SERPINB7: variants seen among roughly 807,000 people sequenced by gnomAD.
SERPINB7 encodes serpin family B member 7, also known as serpin B7.
SERPINB7 carries 31 observed loss-of-function variants against 37.4 expected under a neutral mutation model. The observed-to-expected ratio is 0.83, with a 90% CI of 0.62 to 1.12. The LOEUF is 1.12. Ranked by LOEUF, SERPINB7 falls within the 50% of genes most tolerant of loss-of-function variation. The pLI is 0.00. For synonymous variants in SERPINB7, 163 were observed against 166.1 expected, an observed-to-expected ratio of 0.98 and a Z score of 0.14; for missense variants, 521 against 455.3, an observed-to-expected ratio of 1.14 and a Z score of -1.31.
chr18:63,779,907 C>T (rs2049285469), intron 1 of SERPINB7, among the ~76,000 whole-genome samples: 1 of 151,876 alleles, frequency 6.6e-6, no homozygotes, highest in African/African-American at 2.4e-5. Flanking sequence ...ATTTGTAAAA[C>T]AACAAGAAGA....
In SERPINB7 at chr18:63,783,186, AAGAGAGAGAGAGAG is replaced by A. The variant is rs1200340375; in HGVS notation, c.168+682_168+695del. ...CAAAAAGAAAATAAAGAAAGAAAGA[AAGAGAGAGAGAGAG>A]AGAGAGAGAGAGAGAGAGAGAGAGA... On this transcript the variant is annotated intron_variant, in intron 2 of 7. Coordinates refer to ENST00000398019, the MANE Select transcript of SERPINB7 (RefSeq NM_003784.4). 6.7e-3 allele frequency among the ~76,000 whole-genome samples: 502 copies of A among 75,278 alleles called. 13 individuals carry two copies. Among genetic ancestry groups the A allele is most frequent in the Middle Eastern group, 0.012 (2 of 170 alleles). The allele number at this position is 75,278 out of a possible 152,430, so 49.4% of individuals were successfully genotyped here.
rs1199515484 is a variant in SERPINB7 at position 63,804,499 on chromosome 18, C to A, written c.1007C>A (p.Ala336Asp). 1 of 1,613,714 alleles carries A rather than the reference C, an allele frequency of 6.2e-7. No individual in the cohort carries two copies. Among genetic ancestry groups the A allele is most frequent in the East Asian group, 2.2e-5 (1 of 44,876 alleles). Residue 336 changes from alanine to aspartate, a missense_variant, in exon 8 of 8, where the codon GCT becomes GAT. Transcript: ENST00000398019. ...GAGGTCACTGAGGAGGGCACCGAGG[C>A]TACTGCTGCCACAGGAAGTAATATT... The part of the protein sequence containing the change: ...YIEVTEEGTE[A>D]TAATGSNIVE...
chr18:63,797,801 C>T (rs2049503934), intron 5 of SERPINB7, among the ~76,000 whole-genome samples: 4 of 152,206 alleles, frequency 2.6e-5, no homozygotes. Context: ...TCTTACCAGA[C>T]ATTCAAGCCT....
chr18:63,771,878 G>T (rs1386741492), upstream of SERPINB7, among the ~76,000 whole-genome samples: 1 of 151,106 alleles, frequency 6.6e-6, no homozygotes, highest in Non-Finnish European at 1.5e-5. Flanking sequence ...TGGGAGACAA[G>T]CCCAGAAATG....
In SERPINB7 at chr18:63,781,368, T is replaced by C. The variant is rs1396608958; in HGVS notation, c.-18-987T>C. On this transcript the variant is annotated intron_variant, in intron 1 of 7. Transcript: ENST00000398019. The stretch of plus-strand genomic sequence containing the variant: ...AAAGACTTGACCCAGTTCACACAAC[T>C]ATTAGCAACAGGGTTGAGACTTGGA... Among the ~76,000 whole-genome samples the C allele has an allele frequency of 1.3e-5, 2 of 152,336 alleles. 1 individual carries two copies. The highest frequency in any genetic ancestry group is 4.1e-4 in the South Asian group (2 of 4,834).
chr18:63,793,112 A>T (rs532441197), intron 3 of SERPINB7, 49 bp from the exon 4 acceptor site: 1 of 980,678 alleles, frequency 1.0e-6, no homozygotes, highest in Non-Finnish European at 1.5e-6. Context: ...GAGATTATGC[A>T]TATCTTTGCA....
At chr18:63,773,911 A>G (rs2049226382), upstream of SERPINB7, among the ~76,000 whole-genome samples, 2 of 152,120 alleles carry the variant, frequency 1.3e-5, no homozygotes, top group Admixed American at 6.5e-5. Context: ...TTCCAAGAAG[A>G]TTATCCAGTA....
chr18:63,786,934 G>A (rs1466235910), intron 2 of SERPINB7, among the ~76,000 whole-genome samples: 6 of 152,040 alleles, frequency 3.9e-5, no homozygotes, highest in African/African-American at 1.4e-4. Context: ...AAATGCCTGG[G>A]ACCAAGTGTT....
rs1185399551 is a variant in SERPINB7 at position 63,786,207 on chromosome 18, C to A, written c.168+3667C>A. Among the ~76,000 whole-genome samples, 544 of 83,746 alleles carry A rather than the reference C, an allele frequency of 6.5e-3. 5 individuals carry two copies. Among genetic ancestry groups the A allele is most frequent in the South Asian group, 8.8e-3 (19 of 2,158 alleles). 54.9% of individuals were successfully genotyped at this position (83,746 alleles called of 152,430 possible). A position where few individuals can be genotyped will look rare whatever the true frequency, so the allele number is the denominator to read the frequency against. Reference sequence around the variant, plus strand: ...CACACACACACCAGCATGGCACATACGTGTATATATATATATATATATATA... The same window carrying A: ...CACACACACACCAGCATGGCACATAAGTGTATATATATATATATATATATA... On this transcript the variant is annotated intron_variant, in intron 2 of 7. Transcript: ENST00000398019.
chr18:63,777,064 T>C (rs945748139), intron 1 of SERPINB7, among the ~76,000 whole-genome samples: 1 of 152,044 alleles, frequency 6.6e-6, no homozygotes, highest in Admixed American at 6.6e-5. Flanking sequence ...ATGTGTAAGA[T>C]AAAGTCAGAA....
chr18:63,758,166 C>T (rs577296833), intron 1 of SERPINB7, among the ~76,000 whole-genome samples: 1 of 152,236 alleles, frequency 6.6e-6, no homozygotes, highest in East Asian at 1.9e-4. Flanking sequence ...CCAACTTTGG[C>T]CTATATAGCA....
intron 2 of SERPINB7, among the ~76,000 whole-genome samples, chr18:63,790,829 C>T (rs563027318): frequency 5.3e-5 from 8 of 152,102 alleles, no homozygotes; most frequent in African/African-American, 1.2e-4. Flanking sequence ...ACTATAAAGA[C>T]GCATGCACAC....
chr18:63,764,053 G>T (rs1044212690), intron 1 of SERPINB7, among the ~76,000 whole-genome samples: 1 of 152,164 alleles, frequency 6.6e-6, no homozygotes, highest in African/African-American at 2.4e-5. Flanking sequence ...CCATTTCTAT[G>T]GTATGAGCTA....
At chr18:63,763,344 G>T (rs1015851512) in intron 1 of SERPINB7, among the ~76,000 whole-genome samples, 1 of 152,126 alleles carries the variant, frequency 6.6e-6, no homozygotes, top group Non-Finnish European at 1.5e-5. Context: ...TTAGTTACTA[G>T]AATAAACTGT....
In SERPINB7 at chr18:63,759,771, C is replaced by T. The variant is rs577273739; in HGVS notation, c.-19+6651C>T. Among the ~76,000 whole-genome samples, 6 of 152,170 alleles carry T rather than the reference C, an allele frequency of 3.9e-5. No homozygotes were observed. The South Asian group carries it at 6.2e-4, about 16-fold the overall frequency. ...TCATAGTGAGTAAGTCTCATGAGATCGTATGAGTTTATCAGGGGTTTCCGC... is the reference window on the plus strand; with the variant it reads ...TCATAGTGAGTAAGTCTCATGAGATTGTATGAGTTTATCAGGGGTTTCCGC... On this transcript the variant is annotated intron_variant, in intron 1 of 7. Transcript: ENST00000336429.
At chr18:63,804,209 C>T (rs1276557351) in intron 7 of SERPINB7, 28 bp from the exon 8 acceptor site, 13 of 1,478,848 alleles carry the variant, frequency 8.8e-6, no homozygotes, top group Non-Finnish European at 1.2e-5. Flanking sequence ...CCATATGATT[C>T]TAAATTATCT....
At chr18:63,792,472 G>A in intron 3 of SERPINB7, 29 bp downstream of exon 3, 3 of 1,486,322 alleles carry the variant, frequency 2.0e-6, no homozygotes, top group Non-Finnish European at 2.8e-6. Context: ...TTTAGAAAAA[G>A]AGAAGGTGAG....
intron 7 of SERPINB7, among the ~76,000 whole-genome samples, chr18:63,803,956 G>C (rs541986424): frequency 6.6e-6 from 1 of 152,150 alleles, no homozygotes; most frequent in African/African-American, 2.4e-5. Context: ...CTCCACGTTG[G>C]CTGTATCTGC....
intron 1 of SERPINB7, among the ~76,000 whole-genome samples, chr18:63,776,165 T>TTTTTTTTGTTGTTGCTGTTG (rs2049245717): frequency 6.6e-6 from 1 of 151,950 alleles, no homozygotes; most frequent in Admixed American, 6.6e-5. Context: ...TGGCTTCATG[T>TTTTTTTTGTTGTTGCTGTTG]TTTTTTTGTT....
Sources: allele counts gnomAD v4.1 joint callset (sites outside exome capture counted in the v4.1 genomes callset), GRCh38; gene constraint gnomAD v4.1.1; transcripts MANE v1.5; gene names NCBI Gene and HGNC (gene_info 2026-07-23, HGNC 2026-07-21).